The following HSPBAP1 variants were observed in gnomAD, a reference collection of about 807,000 sequenced individuals.
HSPBAP1 encodes HSPB1-associated protein 1.
In HSPBAP1, 27 loss-of-function variants were observed where a neutral mutation model predicts 45.2. The ratio of observed to expected loss-of-function variants is 0.60; its 90% CI spans 0.44 to 0.82. The LOEUF (loss-of-function observed/expected upper bound fraction) is 0.82, where lower values mean the gene tolerates loss of function less well. HSPBAP1 is among the 40% of genes least tolerant of loss of function. The pLI is 0.00. For missense variants in HSPBAP1, 510 were observed against 590.9 expected (o/e 0.86, Z 1.42); for synonymous variants, 204 against 202.7 (o/e 1.01, Z -0.06).
intron 2 of HSPBAP1, 100 bp downstream of exon 2, chr3:122,777,621 G>C (rs537918442): frequency 1.9e-5 from 15 of 769,700 alleles, no homozygotes; most frequent in Admixed American, 2.9e-5. Flanking sequence ...TCAAAAAAAG[G>C]ATTAGAAAGA....
intron 6 of HSPBAP1, among the ~76,000 whole-genome samples, chr3:122,745,361 CAG>C (rs1384177831): frequency 3.9e-5 from 6 of 152,034 alleles, no homozygotes; most frequent in African/African-American, 1.2e-4. Flanking sequence ...AGTTAGAAGA[CAG>C]AATGGAAGAG....
intron 1 of HSPBAP1, among the ~76,000 whole-genome samples, chr3:122,792,910 G>A (rs2107549051): frequency 6.6e-6 from 1 of 151,634 alleles, no homozygotes; most frequent in South Asian, 2.1e-4. Flanking sequence ...GAAAAAGAAA[G>A]GCCGACCTCA....
chr3:122,755,308 A>C lies in HSPBAP1; in HGVS notation c.693T>G (p.Pro231=). ...NVVNPDLKRF[P]QFRKAQRHAV... ...CATGTCTTTGAGCTTTCCGGAACTGAGGAAAACGCTTTAAATCAGGATTGA... is the reference window on the plus strand; with the variant it reads ...CATGTCTTTGAGCTTTCCGGAACTGCGGAAAACGCTTTAAATCAGGATTGA... Residue 231 remains proline, a synonymous_variant, in exon 5 of 8, where the codon CCT becomes CCG. Coordinates refer to ENST00000306103, the MANE Select transcript of HSPBAP1 (RefSeq NM_024610.6). The C allele has an allele frequency of 6.2e-7, 1 of 1,604,866 alleles. No individual in the cohort carries two copies. Among genetic ancestry groups the C allele is most frequent in the South Asian group, 1.1e-5 (1 of 89,676 alleles).
Position 122,740,450 on chromosome 3 carries a change from C to A in HSPBAP1, c.1362G>T (p.Thr454=). ...CCGTAGAAATGAATGTTTGAGGAGT[C>A]GTAGTAGTATTTGAGGCAATCTGTT... The part of the protein sequence containing the change: ...IEEQIASNTT[T]TPQTFISTDD... The change falls in exon 8 of 8, where the codon ACG becomes ACT. Residue 454 remains threonine (T), a synonymous_variant. Coordinates refer to ENST00000306103, the MANE Select transcript of HSPBAP1 (RefSeq NM_024610.6). 2 of 1,594,802 alleles carry A rather than the reference C, an allele frequency of 1.3e-6. No homozygotes were observed.
chr3:122,764,528 C>T (rs1279214100), intron 3 of HSPBAP1, among the ~76,000 whole-genome samples: 1 of 152,160 alleles, frequency 6.6e-6, no homozygotes, highest in African/African-American at 2.4e-5. Context: ...CATTGATAAA[C>T]ATACTAATAT....
chr3:122,791,010 C>T (rs1368798744), intron 1 of HSPBAP1, among the ~76,000 whole-genome samples: 1 of 152,154 alleles, frequency 6.6e-6, no homozygotes, highest in African/African-American at 2.4e-5. Flanking sequence ...CTGGCACTTT[C>T]TATTAATAAT....
chr3:122,754,648 G>A (rs1934277388), intron 5 of HSPBAP1: 1 of 984,992 alleles, frequency 1.0e-6, no homozygotes. Flanking sequence ...CTTCTTAAGT[G>A]ACTAAGAAAA....
intron 5 of HSPBAP1, chr3:122,753,032 A>G: frequency 1.0e-6 from 1 of 980,854 alleles, no homozygotes. Context: ...GGTAAAACAC[A>G]TAGGACGTGG....
At chr3:122,744,483 A>G (rs1457058657) in intron 6 of HSPBAP1, among the ~76,000 whole-genome samples, 1 of 152,262 alleles carries the variant, frequency 6.6e-6, no homozygotes, top group Non-Finnish European at 1.5e-5. Flanking sequence ...AACATATGAC[A>G]GAGAAAGATA....
At chr3:122,786,839 T>C (rs1216073446) in intron 1 of HSPBAP1, among the ~76,000 whole-genome samples, 1 of 152,232 alleles carries the variant, frequency 6.6e-6, no homozygotes, top group Non-Finnish European at 1.5e-5. Context: ...AACAATCAGC[T>C]GGTTGTGAGA....
At chr3:122,778,559 T>C (rs1935276207) in intron 1 of HSPBAP1, among the ~76,000 whole-genome samples, 1 of 150,072 alleles carries the variant, frequency 6.7e-6, no homozygotes, top group South Asian at 2.1e-4. Flanking sequence ...TCTCGCTCTC[T>C]CGCCCAGGCT....
chr3:122,777,827 G>A lies in HSPBAP1; in HGVS notation c.144C>T (p.Asn48=), dbSNP rs762304076. 2.5e-6 allele frequency: 4 copies of A among 1,613,704 alleles called. No individual in the cohort carries two copies. The highest frequency in any genetic ancestry group is 1.1e-5 in the South Asian group (1 of 91,076). The change falls in exon 2 of 8, where the codon AAC becomes AAT. Residue 48 remains asparagine (N), a synonymous_variant. Transcript: ENST00000306103. ...MSLQQPAIFC[N]MVFDWPARHW... The stretch of plus-strand genomic sequence containing the variant: ...GTCGTGCTGGCCAATCAAACACCAT[G>A]TTACAGAAGATTGCAGGTTGTTGTA...
intron 3 of HSPBAP1, among the ~76,000 whole-genome samples, chr3:122,760,897 ATGCTGGG>A (rs1224317521): frequency 6.6e-6 from 1 of 152,202 alleles, no homozygotes; most frequent in Non-Finnish European, 1.5e-5. Context: ...ACGTGGTATG[ATGCTGGG>A]TGCTGGGGAT....
At position 122,787,583 on chromosome 3, in the gene HSPBAP1, A is replaced by G. The variant is rs1041449385; in HGVS notation, c.64+6034T>C. Among the ~76,000 whole-genome samples, 12 of 152,228 alleles carry G rather than the reference A, an allele frequency of 7.9e-5. No homozygotes were observed. The East Asian group carries it at 2.3e-3, about 29-fold the overall frequency. On this transcript the variant is annotated intron_variant, in intron 1 of 7. Transcript: ENST00000306103. Reference sequence around the variant, plus strand: ...GTAAGTCACACATTACACTACAGAGAATCACTATAATGATACAGCATGAAT... The same window carrying G: ...GTAAGTCACACATTACACTACAGAGGATCACTATAATGATACAGCATGAAT...
chr3:122,778,242 T>C (rs1935259437), intron 1 of HSPBAP1, among the ~76,000 whole-genome samples: 1 of 150,514 alleles, frequency 6.6e-6, no homozygotes, highest in Non-Finnish European at 1.5e-5. Flanking sequence ...ATGTGTATAG[T>C]GTTTTCCAAA....
At chr3:122,741,298 C>G (rs1302558732) in intron 6 of HSPBAP1, 185 bp from the exon 7 acceptor site, 1 of 586,048 alleles carries the variant, frequency 1.7e-6, no homozygotes, top group Non-Finnish European at 3.0e-6. Flanking sequence ...TCTAGAAGAG[C>G]TGCAGAATAT....
chr3:122,752,245 T>C (rs1934175653), intron 6 of HSPBAP1, among the ~76,000 whole-genome samples: 1 of 152,012 alleles, frequency 6.6e-6, no homozygotes, highest in African/African-American at 2.4e-5. Flanking sequence ...GCCCAGATGG[T>C]GTGAAAGAGG....
intron 6 of HSPBAP1, among the ~76,000 whole-genome samples, chr3:122,749,604 A>T (rs1934051803): frequency 6.6e-6 from 1 of 152,092 alleles, no homozygotes; most frequent in African/African-American, 2.4e-5. Flanking sequence ...TGGAAACATA[A>T]ATTTGACATC....
At position 122,740,594 on chromosome 3, in the gene HSPBAP1, T is replaced by C; in HGVS notation, c.1218A>G (p.Arg406=). Reference sequence around the variant, plus strand: ...TCCCATCACTTCCAAATATGCCTCCTCTTTCTGAAGGCGGTTCTTCGGACC... The same window carrying C: ...TCCCATCACTTCCAAATATGCCTCCCCTTTCTGAAGGCGGTTCTTCGGACC... ...AQRSEEPPSE[R]GGIFGSDGKD... The change falls in exon 8 of 8, where the codon AGA becomes AGG. Residue 406 remains arginine (R), a synonymous_variant. Coordinates refer to ENST00000306103, the MANE Select transcript of HSPBAP1 (RefSeq NM_024610.6). 1 of 1,614,232 alleles carries C rather than the reference T, an allele frequency of 6.2e-7. No individual in the cohort carries two copies. The highest frequency in any genetic ancestry group is 8.5e-7 in the Non-Finnish European group (1 of 1,180,042).
Sources: gnomAD v4.1 joint callset for allele counts (sites outside exome capture counted in the v4.1 genomes callset) on GRCh38, gnomAD v4.1.1 for gene constraint, MANE v1.5 for transcripts, NCBI Gene and HGNC (gene_info 2026-07-23, HGNC 2026-07-21) for gene names.